Variants in UBXN7 observed in about 807,000 individuals in gnomAD.
UBXN7 encodes the protein UBX domain protein 7.
A neutral mutation model predicts 58.0 loss-of-function variants in UBXN7; 9 were observed. The ratio of observed to expected loss-of-function variants is 0.16; its 90% CI spans 0.09 to 0.27. UBXN7 has a LOEUF of 0.27. Ranked by LOEUF, UBXN7 falls within the 10% of genes least tolerant of loss-of-function variation. The probability of loss-of-function intolerance (pLI) is 1.00; values close to 1 mark genes in which losing one functional copy is unlikely to be tolerated. For missense variants in UBXN7, 328 were observed against 599.6 expected (o/e 0.55, Z 4.73); for synonymous variants, 208 against 205.0 (o/e 1.01, Z -0.12).
rs573410602 is a variant in UBXN7, at chr3:196,359,077, C to G, written c.1309-2231G>C. Among the ~76,000 whole-genome samples the G allele has an allele frequency of 1.5e-4, 23 of 152,286 alleles. No homozygotes were observed. The South Asian group carries it at 4.6e-3, about 30-fold the overall frequency. On this transcript the variant is annotated intron_variant, in intron 10 of 10. Coordinates refer to ENST00000296328, the MANE Select transcript of UBXN7 (RefSeq NM_015562.2). Reference sequence around the variant, plus strand: ...CCCTGTTTCATTGTGCTTCAAGTTACTGAAGGTCTGCGGCAACCTTGTGTC... The same window carrying G: ...CCCTGTTTCATTGTGCTTCAAGTTAGTGAAGGTCTGCGGCAACCTTGTGTC...
intron 1 of UBXN7, 27 bp from the exon 2 acceptor site, chr3:196,407,420 CG>C: frequency 7.8e-6 from 9 of 1,150,936 alleles, no homozygotes; most frequent in African/African-American, 5.5e-5. Flanking sequence ...ACAGGAAAAA[CG>C]TTAAAAAAAA....
chr3:196,426,047 C>T (rs1249817867), intron 1 of UBXN7, among the ~76,000 whole-genome samples: 1 of 152,046 alleles, frequency 6.6e-6, no homozygotes, highest in Non-Finnish European at 1.5e-5. Flanking sequence ...AATGAATCTA[C>T]TAGTAAGATT....
At chr3:196,365,566 G>A (rs946889802) in intron 8 of UBXN7, among the ~76,000 whole-genome samples, 1 of 152,020 alleles carries the variant, frequency 6.6e-6, no homozygotes, top group Non-Finnish European at 1.5e-5. Context: ...CACCCCAGCT[G>A]GTTCCGTAAG....
chr3:196,390,185 C>T (rs538081445), intron 5 of UBXN7, among the ~76,000 whole-genome samples: 8 of 151,864 alleles, frequency 5.3e-5, no homozygotes, highest in South Asian at 4.2e-4. Flanking sequence ...TGCCACTGCA[C>T]TCCATCCCAG....
chr3:196,380,236 C>T (rs1453886389), intron 5 of UBXN7, among the ~76,000 whole-genome samples: 3 of 140,932 alleles, frequency 2.1e-5, no homozygotes, highest in South Asian at 2.2e-4. Context: ...CCAGCCTGGG[C>T]GAAAGAGCGA....
rs1729974358 is a variant in UBXN7, at chr3:196,401,326, TATATATACAC to T, written c.289+1616_289+1625del. Among the ~76,000 whole-genome samples the T allele has an allele frequency of 4.0e-5, 5 of 125,524 alleles. No individual in the cohort carries two copies. In the South Asian group the frequency reaches 1.3e-3, roughly 31 times the overall value. The allele number at this position is 125,524 out of a possible 152,430, so 82.3% of individuals were successfully genotyped here. On this transcript the variant is annotated intron_variant, in intron 3 of 10. Coordinates refer to ENST00000296328, the MANE Select transcript of UBXN7 (RefSeq NM_015562.2). Reference sequence around the variant, plus strand: ...ACACACACACACACACACACATATATATATATACACATATATACAAAAAATAAAAATTAAA... The same window carrying T: ...ACACACACACACACACACACATATATATATATACAAAAAATAAAAATTAAA...
chr3:196,385,631 G>A (rs1309403992), intron 5 of UBXN7, among the ~76,000 whole-genome samples: 2 of 151,986 alleles, frequency 1.3e-5, no homozygotes, highest in East Asian at 1.9e-4. Context: ...CACTCTGGGA[G>A]GTGAGGAGCC....
At chr3:196,394,244 C>A (rs533874686) in intron 3 of UBXN7, among the ~76,000 whole-genome samples, 2 of 146,652 alleles carry the variant, frequency 1.4e-5, no homozygotes, top group East Asian at 2.0e-4. Context: ...GCCAAGACTG[C>A]CATTGCACTC....
chr3:196,397,181 C>T (rs753510965), intron 3 of UBXN7, among the ~76,000 whole-genome samples: 6 of 152,176 alleles, frequency 3.9e-5, no homozygotes, highest in Non-Finnish European at 7.3e-5. Flanking sequence ...GTCCTCTGTC[C>T]TCACTCTACT....
intron 3 of UBXN7, among the ~76,000 whole-genome samples, chr3:196,398,035 G>C (rs2108849291): frequency 6.6e-6 from 1 of 152,332 alleles, no homozygotes; most frequent in South Asian, 2.1e-4. Context: ...GGATTGAACA[G>C]AATGTGGCAG....
chr3:196,357,127 A>C (rs1728372275), intron 10 of UBXN7, among the ~76,000 whole-genome samples: 1 of 152,206 alleles, frequency 6.6e-6, no homozygotes. Context: ...TATTCATAAA[A>C]TTAAATTATT....
At chr3:196,375,218 C>CAG (rs1178810431) in intron 5 of UBXN7, among the ~76,000 whole-genome samples, 1 of 147,750 alleles carries the variant, frequency 6.8e-6, no homozygotes, top group Non-Finnish European at 1.5e-5. Flanking sequence ...CACACACACA[C>CAG]ACACACACGT....
chr3:196,406,442 T>G (rs1457180709), intron 2 of UBXN7, among the ~76,000 whole-genome samples: 1 of 151,982 alleles, frequency 6.6e-6, no homozygotes, highest in Non-Finnish European at 1.5e-5. Flanking sequence ...CACAATATTA[T>G]TTTTATTATT....
chr3:196,362,133 A>G (rs1438549473), intron 9 of UBXN7, among the ~76,000 whole-genome samples, 161 bp downstream of exon 9: 1 of 152,200 alleles, frequency 6.6e-6, no homozygotes, highest in Non-Finnish European at 1.5e-5. Context: ...AGCTGGGACT[A>G]TAGGCACGTG....
chr3:196,424,218 C>T (rs1730776756), intron 1 of UBXN7, among the ~76,000 whole-genome samples: 1 of 151,846 alleles, frequency 6.6e-6, no homozygotes, highest in African/African-American at 2.4e-5. Context: ...TGCCATGATA[C>T]TCTCCTGGTT....
chr3:196,385,793 G>T (rs896745998), intron 5 of UBXN7, among the ~76,000 whole-genome samples: 1 of 146,542 alleles, frequency 6.8e-6, no homozygotes, highest in African/African-American at 2.7e-5. Context: ...CTGGGAAGTG[G>T]GGGGGGTGGG....
chr3:196,415,153 C>CTTT (rs869101939), intron 1 of UBXN7, among the ~76,000 whole-genome samples: 13 of 130,382 alleles, frequency 1.0e-4, no homozygotes, highest in East Asian at 4.4e-4. Context: ...TATCATACTT[C>CTTT]TTTTTTTTTT....
At chr3:196,414,265 A>T (rs1040185185) in intron 1 of UBXN7, among the ~76,000 whole-genome samples, 2 of 152,172 alleles carry the variant, frequency 1.3e-5, no homozygotes, top group South Asian at 4.1e-4. Flanking sequence ...GATTATTTAC[A>T]GGCATACGCC....
intron 5 of UBXN7, among the ~76,000 whole-genome samples, chr3:196,379,703 C>A (rs138266353): frequency 2.6e-5 from 4 of 152,322 alleles, no homozygotes; most frequent in Admixed American, 6.5e-5. Context: ...CTTCAGCCAA[C>A]TGGTGCTCAC....
Sources: allele counts gnomAD v4.1 joint callset (sites outside exome capture counted in the v4.1 genomes callset), GRCh38; gene constraint gnomAD v4.1.1; transcripts MANE v1.5; gene names NCBI Gene and HGNC (gene_info 2026-07-23, HGNC 2026-07-21).